Variants in PSD3 observed in about 807,000 individuals in gnomAD.
The protein encoded by PSD3 is pleckstrin and Sec7 domain containing 3, also known as PH and SEC7 domain-containing protein 3.
PSD3 carries 49 observed loss-of-function variants against 105.5 expected under a neutral mutation model. The ratio of observed to expected loss-of-function variants is 0.46; its 90% CI spans 0.37 to 0.59. The LOEUF (loss-of-function observed/expected upper bound fraction) is 0.59, where lower values mean the gene tolerates loss of function less well. Among genes scored for constraint, PSD3 ranks in the 20% least tolerant of loss-of-function variants. PSD3 has a pLI of 0.00. For missense variants in PSD3, 1,561 were observed against 1,263.8 expected, an observed-to-expected ratio of 1.24 and a Z score of -3.57; for synonymous variants, 557 against 457.8, an observed-to-expected ratio of 1.22 and a Z score of -2.77.
intron 2 of PSD3, among the ~76,000 whole-genome samples, chr8:18,908,844 T>C (rs946276707): frequency 2.6e-5 from 4 of 152,196 alleles, no homozygotes; most frequent in African/African-American, 9.6e-5. Flanking sequence ...TAAACGTCAT[T>C]ATTTCCTGCC....
At chr8:18,577,975 A>C (rs534869474) in intron 12 of PSD3, among the ~76,000 whole-genome samples, 12 of 152,040 alleles carry the variant, frequency 7.9e-5, no homozygotes, top group South Asian at 2.1e-4. Flanking sequence ...CTTATCCTCA[A>C]GTATCTTTCA....
intron 9 of PSD3, among the ~76,000 whole-genome samples, chr8:18,685,245 A>T (rs953172691): frequency 6.6e-5 from 10 of 152,338 alleles, no homozygotes; most frequent in East Asian, 1.9e-4. Context: ...GAGATAATTA[A>T]TTTTTTAAAA....
intron 15 of PSD3, among the ~76,000 whole-genome samples, chr8:18,544,173 A>AAAAAAAAAAAAAAAAAAAAAAAAC (rs1800316030): frequency 1.8e-4 from 3 of 16,800 alleles, no homozygotes; most frequent in African/African-American, 4.5e-4. Flanking sequence ...AAACAAACCA[A>AAAAAAAAAAAAAAAAAAAAAAAAC]AAAAAAAAAA....
chr8:18,706,576 T>C (rs1018445571), intron 9 of PSD3, among the ~76,000 whole-genome samples: 2 of 152,246 alleles, frequency 1.3e-5, no homozygotes, highest in Non-Finnish European at 2.9e-5. Context: ...TGCCCATCCA[T>C]GCACAATCCA....
At chr8:18,774,544 T>C in intron 8 of PSD3, 1 of 264,002 alleles carries the variant, frequency 3.8e-6, no homozygotes, top group Non-Finnish European at 7.4e-6. Context: ...GACTCAGCAA[T>C]GTTCATGCCT....
At chr8:18,828,047 G>GTATATATATATATATATA (rs368464281) in intron 4 of PSD3, among the ~76,000 whole-genome samples, 5 of 126,378 alleles carry the variant, frequency 4.0e-5, no homozygotes, top group African/African-American at 1.5e-4. Flanking sequence ...ATATATATAT[G>GTATATATATATATATATA]TATATATATA....
intron 9 of PSD3, among the ~76,000 whole-genome samples, chr8:18,697,757 G>T (rs1485719218): frequency 6.6e-6 from 1 of 152,126 alleles, no homozygotes; most frequent in Admixed American, 6.5e-5. Flanking sequence ...CAGGAAATGT[G>T]AGTGTTGGAT....
At chr8:18,941,075 T>G (rs1217275903) in intron 1 of PSD3, among the ~76,000 whole-genome samples, 1 of 152,232 alleles carries the variant, frequency 6.6e-6, no homozygotes, top group Non-Finnish European at 1.5e-5. Flanking sequence ...AAAACTGTAT[T>G]GTTAAAACAA....
intron 2 of PSD3, among the ~76,000 whole-genome samples, chr8:18,879,908 T>A (rs1032176768): frequency 3.9e-5 from 6 of 152,206 alleles, no homozygotes; most frequent in African/African-American, 1.2e-4. Flanking sequence ...AAGACCATCA[T>A]TGCTAAGAGC....
At chr8:18,788,982 A>G (rs191216706) in intron 8 of PSD3, among the ~76,000 whole-genome samples, 4 of 152,306 alleles carry the variant, frequency 2.6e-5, no homozygotes, top group Admixed American at 6.5e-5. Flanking sequence ...TGGATATTCA[A>G]TGTGCTCTCT....
chr8:18,682,061 G>A (rs888844002), intron 9 of PSD3, among the ~76,000 whole-genome samples: 2 of 150,088 alleles, frequency 1.3e-5, no homozygotes, highest in African/African-American at 4.9e-5. Context: ...TCAAGTAAAA[G>A]TACCTGTACT....
At chr8:18,998,858 A>G (rs1293913545) in intron 1 of PSD3, among the ~76,000 whole-genome samples, 1 of 151,840 alleles carries the variant, frequency 6.6e-6, no homozygotes, top group Non-Finnish European at 1.5e-5. Context: ...GGTGTAACCC[A>G]TTTTCAGTGA....
At chr8:18,626,947 G>A (rs535620184) in intron 11 of PSD3, among the ~76,000 whole-genome samples, 10 of 152,124 alleles carry the variant, frequency 6.6e-5, no homozygotes, top group Non-Finnish European at 1.3e-4. Context: ...GTCTTAAAGC[G>A]GGAAGCAACT....
At chr8:18,989,758 G>T (rs1401482530) in intron 1 of PSD3, among the ~76,000 whole-genome samples, 2 of 152,172 alleles carry the variant, frequency 1.3e-5, no homozygotes, top group Admixed American at 6.5e-5. Context: ...CACCCTGCAA[G>T]TGGGGTTTGG....
chr8:18,544,488 T>C (rs1189091486), intron 15 of PSD3, among the ~76,000 whole-genome samples: 2 of 152,012 alleles, frequency 1.3e-5, no homozygotes, highest in Non-Finnish European at 2.9e-5. Context: ...AGTAGTAACC[T>C]ACTGCCTAAA....
At chr8:18,549,616 T>C (rs1585218668) in intron 15 of PSD3, among the ~76,000 whole-genome samples, 1 of 152,340 alleles carries the variant, frequency 6.6e-6, no homozygotes, top group East Asian at 1.9e-4. Context: ...TCAATGCTTC[T>C]GCAGGGAGAC....
chr8:18,713,036 C>T (rs78643195), intron 9 of PSD3, among the ~76,000 whole-genome samples: 11,152 of 152,194 alleles, frequency 0.073, 564 homozygotes, highest in Non-Finnish European at 0.11. Flanking sequence ...ACAAAAACCA[C>T]GGGATTATCT....
At chr8:18,710,058 G>A (rs1189548020) in intron 9 of PSD3, among the ~76,000 whole-genome samples, 1 of 152,308 alleles carries the variant, frequency 6.6e-6, no homozygotes, top group Admixed American at 6.5e-5. Flanking sequence ...AGCTAAAGGA[G>A]TGGGTTCTAA....
At chr8:19,018,605 C>T (rs147795722), upstream of PSD3, among the ~76,000 whole-genome samples, 15 of 152,266 alleles carry the variant, frequency 9.9e-5, no homozygotes, top group African/African-American at 2.6e-4. Context: ...CATGAAAGCA[C>T]GCATGCGCTA....
Sources: allele counts gnomAD v4.1 joint callset (sites outside exome capture counted in the v4.1 genomes callset), GRCh38; gene constraint gnomAD v4.1.1; transcripts MANE v1.5; gene names NCBI Gene and HGNC (gene_info 2026-07-23, HGNC 2026-07-21).